Variants in SLC6A6 observed in about 807,000 individuals in gnomAD.
SLC6A6 encodes the protein solute carrier family 6 member 6.
A neutral mutation model predicts 68.8 loss-of-function variants in SLC6A6; 16 were observed. The observed-to-expected ratio is 0.23, with a 90% CI of 0.16 to 0.35. The LOEUF (loss-of-function observed/expected upper bound fraction) is 0.35, where lower values mean the gene tolerates loss of function less well. SLC6A6 is among the 10% of genes least tolerant of loss of function. The pLI is 1.00. For missense variants in SLC6A6, 474 were observed against 802.8 expected, an observed-to-expected ratio of 0.59 and a Z score of 4.95; for synonymous variants, 312 against 315.4, an observed-to-expected ratio of 0.99 and a Z score of 0.12.
Position 14,443,737 on chromosome 3 carries a change from G to A in SLC6A6, c.103G>A (p.Glu35Lys). The A allele has an allele frequency of 6.2e-7, 1 of 1,614,178 alleles. No homozygotes were observed. Among genetic ancestry groups the A allele is most frequent in the Non-Finnish European group, 8.5e-7 (1 of 1,179,998 alleles). The change falls in exon 3 of 15, where the codon GAG becomes AAG. Residue 35 changes from glutamate to lysine, a missense_variant. By Grantham distance (56) the Glu-to-Lys change is moderately conservative. Around this residue, in one of 2 missense-constraint regions of SLC6A6, gnomAD observed 280 missense variants for 533.1 expected, o/e 0.53. Coordinates refer to ENST00000622186, the MANE Select transcript of SLC6A6 (RefSeq NM_003043.6). ...AGGCACGCGGCCTGAGGACGAGGCT[G>A]AGGGAAAACCTCCGCAGAGGGAGAA... ...SPGTRPEDEA[E>K]GKPPQREKWS...
intron 2 of SLC6A6, among the ~76,000 whole-genome samples, chr3:14,417,814 T>A (rs1438715728): frequency 6.6e-6 from 1 of 152,190 alleles, no homozygotes; most frequent in Non-Finnish European, 1.5e-5. Context: ...GATTTAACAT[T>A]GACGTGATTC....
chr3:14,409,617 G>A (rs1222934755), intron 1 of SLC6A6, among the ~76,000 whole-genome samples: 1 of 152,220 alleles, frequency 6.6e-6, no homozygotes, highest in Non-Finnish European at 1.5e-5. Flanking sequence ...AAGAGGGCAG[G>A]GAGGAATACA....
In SLC6A6 at chr3:14,477,417, C is replaced by T; in HGVS notation, c.1347+75C>T. On this transcript the variant is annotated intron_variant, in intron 11 of 14. Coordinates refer to ENST00000622186, the MANE Select transcript of SLC6A6 (RefSeq NM_003043.6). This position sits in a 1 kb window ranked among gnomAD's most constrained non-coding sequence, Gnocchi z 4.2. Reference sequence around the variant, plus strand: ...CTCAAGGCCATAGTGGAGGCAGCAGCTGGGTGAGAGGGCCAGGTAGGGGCT... The same window carrying T: ...CTCAAGGCCATAGTGGAGGCAGCAGTTGGGTGAGAGGGCCAGGTAGGGGCT... 6.7e-7 allele frequency: 1 copy of T among 1,491,054 alleles called. No individual in the cohort carries two copies. The highest frequency in any genetic ancestry group is 9.3e-7 in the Non-Finnish European group (1 of 1,079,338). The allele number at this position is 1,491,054 out of a possible 1,614,324, so 92.4% of individuals were successfully genotyped here.
At chr3:14,427,969 C>G (rs1431154950) in intron 2 of SLC6A6, among the ~76,000 whole-genome samples, 2 of 152,218 alleles carry the variant, frequency 1.3e-5, no homozygotes, top group Non-Finnish European at 2.9e-5. Context: ...ATCTGGCCCT[C>G]GGCTCCTCCA....
chr3:14,462,105 G>A (rs907046299), intron 6 of SLC6A6, among the ~76,000 whole-genome samples: 2 of 152,310 alleles, frequency 1.3e-5, no homozygotes, highest in South Asian at 4.1e-4. Context: ...GGCCTGCTGG[G>A]CCACCACCAG....
intron 3 of SLC6A6, chr3:14,444,717 T>G: frequency 2.2e-6 from 1 of 456,636 alleles, no homozygotes; most frequent in South Asian, 1.5e-5. Flanking sequence ...CCTTAGAGCC[T>G]GGTTTCTTAA....
chr3:14,448,632 C>T (rs992843701), intron 5 of SLC6A6, among the ~76,000 whole-genome samples: 22 of 152,188 alleles, frequency 1.4e-4, no homozygotes, highest in African/African-American at 5.3e-4. Flanking sequence ...CAAAGAAAGC[C>T]ACAAGACAAA....
At chr3:14,439,988 G>A (rs551249846) in intron 2 of SLC6A6, among the ~76,000 whole-genome samples, 1 of 152,282 alleles carries the variant, frequency 6.6e-6, no homozygotes, top group South Asian at 2.1e-4. Context: ...ACCCTGGGGA[G>A]GATGAAGGCT....
chr3:14,483,570 T>C (rs1701062163), intron 14 of SLC6A6, among the ~76,000 whole-genome samples: 1 of 152,088 alleles, frequency 6.6e-6, no homozygotes, highest in South Asian at 2.1e-4. Context: ...GGCAGGTGGC[T>C]CAGGTGAGGG....
At chr3:14,465,242 G>C (rs1349457047) in intron 6 of SLC6A6, among the ~76,000 whole-genome samples, 1 of 152,244 alleles carries the variant, frequency 6.6e-6, no homozygotes, top group Non-Finnish European at 1.5e-5. Flanking sequence ...GCCACAAACA[G>C]CGCTTGCAGG....
intron 3 of SLC6A6, among the ~76,000 whole-genome samples, chr3:14,445,424 A>G (rs959334020): frequency 7.1e-6 from 1 of 141,744 alleles, no homozygotes; most frequent in Non-Finnish European, 1.5e-5. Flanking sequence ...CCACCTCAAA[A>G]GAAAAAAAAA....
At chr3:14,463,406 A>T (rs1056747084) in intron 6 of SLC6A6, among the ~76,000 whole-genome samples, 1 of 152,280 alleles carries the variant, frequency 6.6e-6, no homozygotes, top group Admixed American at 6.5e-5. Context: ...TAACTACGTG[A>T]AAACAAAGAA....
intron 2 of SLC6A6, among the ~76,000 whole-genome samples, chr3:14,424,879 C>G (rs145681543): frequency 6.6e-6 from 1 of 152,122 alleles, no homozygotes; most frequent in Non-Finnish European, 1.5e-5. Flanking sequence ...GACGGGGACA[C>G]GGCGCTATTG....
At chr3:14,426,880 T>C (rs936654764) in intron 2 of SLC6A6, among the ~76,000 whole-genome samples, 3 of 152,116 alleles carry the variant, frequency 2.0e-5, no homozygotes, top group African/African-American at 7.2e-5. Flanking sequence ...AGCAGGAATG[T>C]GTCCTTCAGG....
intron 5 of SLC6A6, among the ~76,000 whole-genome samples, chr3:14,448,961 G>A (rs1416565886): frequency 6.6e-6 from 1 of 152,256 alleles, no homozygotes; most frequent in Non-Finnish European, 1.5e-5. Context: ...TGAGCCAGGG[G>A]CAGGGGTGCT....
At position 14,485,019 on chromosome 3, in the gene SLC6A6, T is replaced by A; in HGVS notation, c.*12T>A. 6.3e-7 allele frequency: 1 copy of A among 1,597,768 alleles called. No homozygotes were observed. Among genetic ancestry groups the A allele is most frequent in the Non-Finnish European group, 8.6e-7 (1 of 1,167,688 alleles). ...AGACCATGATGTGAGCTCTCTCGGG[T>A]CGACGGGGCCGGCGGCTTTCCTGCT... On this transcript the variant is annotated 3_prime_UTR_variant, in exon 15 of 15. Coordinates refer to ENST00000622186, the MANE Select transcript of SLC6A6 (RefSeq NM_003043.6).
At chr3:14,459,332 A>T (rs1700442734) in intron 6 of SLC6A6, among the ~76,000 whole-genome samples, 1 of 152,190 alleles carries the variant, frequency 6.6e-6, no homozygotes, top group Non-Finnish European at 1.5e-5. Context: ...GTCTCCCTGG[A>T]TAAAGAGCCC....
chr3:14,413,563 T>C (rs1699299121), intron 1 of SLC6A6, among the ~76,000 whole-genome samples: 1 of 152,222 alleles, frequency 6.6e-6, no homozygotes, highest in Non-Finnish European at 1.5e-5. Context: ...ATGCAGAACC[T>C]CAGGCCCCAC....
intron 2 of SLC6A6, 118 bp from the exon 3 acceptor site, chr3:14,443,506 C>T: frequency 1.4e-6 from 1 of 694,214 alleles, no homozygotes; most frequent in South Asian, 1.7e-5. Flanking sequence ...TGCCAGGCCC[C>T]TTGCCACAGG....
Sources: gnomAD v4.1 joint callset for allele counts (sites outside exome capture counted in the v4.1 genomes callset) on GRCh38, gnomAD v4.1.1 for gene constraint, gnomAD v4.1.1 regional missense constraint, Gnocchi (gnomAD v3.1) non-coding constraint, MANE v1.5 for transcripts, NCBI Gene and HGNC (gene_info 2026-07-23, HGNC 2026-07-21) for gene names.